PPP3CB: variants seen among roughly 807,000 people sequenced by gnomAD.
The protein encoded by PPP3CB is protein phosphatase 3 catalytic subunit beta, also known as serine/threonine-protein phosphatase 2B catalytic subunit beta isoform.
In PPP3CB, 8 loss-of-function variants were observed where a neutral mutation model predicts 66.4. The observed-to-expected ratio is 0.12, with a 90% CI of 0.07 to 0.22. PPP3CB has a LOEUF of 0.22. Among genes scored for constraint, PPP3CB ranks in the 10% least tolerant of loss-of-function variants. PPP3CB has a pLI of 1.00. For missense variants in PPP3CB, 319 were observed against 642.5 expected, an observed-to-expected ratio of 0.50 and a Z score of 5.44; for synonymous variants, 208 against 221.2, an observed-to-expected ratio of 0.94 and a Z score of 0.53.
At chr10:73,442,779 AAC>A (rs964096927) in intron 12 of PPP3CB, among the ~76,000 whole-genome samples, 1 of 151,994 alleles carries the variant, frequency 6.6e-6, no homozygotes, top group Non-Finnish European at 1.5e-5. Context: ...ATAATTTCAA[AAC>A]ACAGTGTACT....
chr10:73,495,432 C>T (rs1395764397), intron 1 of PPP3CB: 2 of 162,042 alleles, frequency 1.2e-5, no homozygotes, highest in Non-Finnish European at 2.7e-5. Context: ...GGTCTCCGAG[C>T]CCCTCGGTTC....
At position 73,492,664 on chromosome 10, in the gene PPP3CB, G is replaced by C. The variant is rs545350357; in HGVS notation, c.85+3141C>G. ...CCATCTTGCTTAATCAGGTGGGTTAGATCAACTTTCAAACAGGGGAAGAAT... is the reference window on the plus strand; with the variant it reads ...CCATCTTGCTTAATCAGGTGGGTTACATCAACTTTCAAACAGGGGAAGAAT... On this transcript the variant is annotated intron_variant, in intron 1 of 13. Transcript: ENST00000360663. Among the ~76,000 whole-genome samples, 16 of 152,320 alleles carry C rather than the reference G, an allele frequency of 1.1e-4. No individual in the cohort carries two copies. In the East Asian group the frequency reaches 2.9e-3, roughly 28 times the overall value.
intron 1 of PPP3CB, among the ~76,000 whole-genome samples, chr10:73,486,426 C>G (rs193233278): frequency 3.0e-3 from 450 of 151,838 alleles, no homozygotes; most frequent in Non-Finnish European, 5.2e-3. Context: ...CTGCCTCAGC[C>G]TCCCAAGTAG....
chr10:73,475,022 T>A lies in PPP3CB; in HGVS notation c.420A>T (p.Leu140Phe). The A allele has an allele frequency of 6.2e-7, 1 of 1,609,570 alleles. No individual in the cohort carries two copies. Among genetic ancestry groups the A allele is most frequent in the Non-Finnish European group, 8.5e-7 (1 of 1,178,788 alleles). ...ATAGAATCTTCAGAACCCATAAATA[T>A]AAGACACACTGCAAAAGAAAATTTT... is the stretch of plus-strand genomic sequence containing the variant. The part of the protein sequence containing the change: ...DRGYFSIECV[L>F]YLWVLKILYP... Residue 140 changes from leucine to phenylalanine, a missense_variant, in exon 4 of 14, where the codon TTA becomes TTT. Physicochemically the swap from Leu to Phe is conservative, Grantham distance 22 (BLOSUM62 0). Coordinates refer to ENST00000360663, the MANE Select transcript of PPP3CB (RefSeq NM_021132.4).
chr10:73,471,006 T>A (rs982317532), intron 6 of PPP3CB, 42 bp from the exon 7 acceptor site: 35 of 1,604,514 alleles, frequency 2.2e-5, no homozygotes, highest in Non-Finnish European at 2.8e-5. Context: ...TAATGGCTTT[T>A]CTGTATGAAG....
At position 73,470,978 on chromosome 10, in the gene PPP3CB, A is replaced by C. The variant is rs779162804; in HGVS notation, c.810-14T>G. Reference sequence around the variant, plus strand: ...ACTGCTGGATAGCTGTGGGGGAAAAAGAGTAAATTAAGTAAAATAATGGCT... The same window carrying C: ...ACTGCTGGATAGCTGTGGGGGAAAACGAGTAAATTAAGTAAAATAATGGCT... On this transcript the variant is annotated splice_polypyrimidine_tract_variant and intron_variant, in intron 6 of 13. Transcript: ENST00000360663. 3 of 1,610,620 alleles carry C rather than the reference A, an allele frequency of 1.9e-6. No individual in the cohort carries two copies. The highest frequency in any genetic ancestry group is 3.3e-5 in the Admixed American group (2 of 59,778).
intron 8 of PPP3CB, among the ~76,000 whole-genome samples, chr10:73,470,423 T>C (rs916767236): frequency 6.6e-6 from 1 of 152,160 alleles, no homozygotes; most frequent in Non-Finnish European, 1.5e-5. Flanking sequence ...GAGAAAATCA[T>C]GTTTGGTTTT....
At chr10:73,484,759 G>A (rs1413275172) in intron 1 of PPP3CB, among the ~76,000 whole-genome samples, 1 of 151,860 alleles carries the variant, frequency 6.6e-6, no homozygotes, top group Non-Finnish European at 1.5e-5. Context: ...AACCTAAAGA[G>A]CTACAAAATC....
chr10:73,482,675 T>C (rs912639139), intron 1 of PPP3CB, among the ~76,000 whole-genome samples: 4 of 149,572 alleles, frequency 2.7e-5, no homozygotes, highest in Admixed American at 6.7e-5. Context: ...TGGAATGCAG[T>C]GGCGAGATCT....
chr10:73,438,541 T>C, intron 13 of PPP3CB, 121 bp from the exon 14 acceptor site: 1 of 800,852 alleles, frequency 1.2e-6, no homozygotes, highest in Non-Finnish European at 2.0e-6. Flanking sequence ...CACATAAATC[T>C]TACTTTAACT....
chr10:73,494,991 C>A (rs2057160000), intron 1 of PPP3CB, among the ~76,000 whole-genome samples: 1 of 152,176 alleles, frequency 6.6e-6, no homozygotes. Flanking sequence ...TTAAATTAAT[C>A]TGCTGACCTG....
chr10:73,460,714 G>C (rs1481210206), intron 9 of PPP3CB, among the ~76,000 whole-genome samples: 1 of 152,236 alleles, frequency 6.6e-6, no homozygotes, highest in Non-Finnish European at 1.5e-5. Context: ...TAGGAGGAAA[G>C]AATAGTTTTG....
intron 9 of PPP3CB, among the ~76,000 whole-genome samples, chr10:73,462,170 A>G: frequency 9.2e-6 from 1 of 108,364 alleles, no homozygotes; most frequent in African/African-American, 3.7e-5. Context: ...TTTTTTTCAG[A>G]TAGAGTCCCA....
rs372069711 is a variant in PPP3CB at position 73,495,786 on chromosome 10, G to C, written c.85+19C>G. On this transcript the variant is annotated intron_variant, in intron 1 of 13. Transcript: ENST00000360663. The stretch of plus-strand genomic sequence containing the variant: ...CTAGCTCTTCAGGCCAGGCCCCCAG[G>C]GTTTCGTCCACCTCTCACCTTTGAC... 7.3e-5 allele frequency: 115 copies of C among 1,569,362 alleles called. No individual in the cohort carries two copies. The highest frequency in any genetic ancestry group is 9.4e-5 in the Non-Finnish European group (109 of 1,157,332).
At chr10:73,463,867 C>T (rs987986355) in intron 9 of PPP3CB, among the ~76,000 whole-genome samples, 2 of 152,012 alleles carry the variant, frequency 1.3e-5, no homozygotes, top group African/African-American at 4.8e-5. Flanking sequence ...GATCTCCTGA[C>T]CTCGCGATCT....
At chr10:73,482,217 AGC>A (rs2056890668) in intron 1 of PPP3CB, among the ~76,000 whole-genome samples, 1 of 145,634 alleles carries the variant, frequency 6.9e-6, no homozygotes, top group South Asian at 2.1e-4. Context: ...TTTTTTTTTT[AGC>A]ACTCTACTTG....
At chr10:73,438,647 C>T (rs747497898) in intron 13 of PPP3CB, among the ~76,000 whole-genome samples, 11 of 152,216 alleles carry the variant, frequency 7.2e-5, no homozygotes, top group Non-Finnish European at 1.6e-4. Flanking sequence ...GTTAGCAAAG[C>T]CTTCCAAAAA....
chr10:73,476,998 G>C (rs2056800818), intron 3 of PPP3CB, among the ~76,000 whole-genome samples: 3 of 152,298 alleles, frequency 2.0e-5, no homozygotes, highest in Non-Finnish European at 4.4e-5. Context: ...AAATTCACCA[G>C]GTAAGGTTTC....
chr10:73,495,580 A>C (rs1016327391), intron 1 of PPP3CB: 2 of 465,300 alleles, frequency 4.3e-6, no homozygotes, highest in Non-Finnish European at 6.8e-6. Context: ...GAAGCCACGG[A>C]AGCAAAACCT....
Sources: gnomAD v4.1 joint callset for allele counts (sites outside exome capture counted in the v4.1 genomes callset) on GRCh38, gnomAD v4.1.1 for gene constraint, MANE v1.5 for transcripts, NCBI Gene and HGNC (gene_info 2026-07-23, HGNC 2026-07-21) for gene names.